The following SAFB2 variants were observed in gnomAD, a reference collection of about 807,000 sequenced individuals.
The protein encoded by SAFB2 is scaffold attachment factor B2.
SAFB2 carries 32 observed loss-of-function variants against 100.6 expected under a neutral mutation model. That is an observed-to-expected ratio of 0.32 (90% CI 0.24 to 0.43). The LOEUF is 0.43. SAFB2 is among the 20% of genes least tolerant of loss of function. The probability of loss-of-function intolerance (pLI) is 1.00; values close to 1 mark genes in which losing one functional copy is unlikely to be tolerated. For missense variants in SAFB2, 1,185 were observed against 1,163.4 expected (o/e 1.02, Z -0.27); for synonymous variants, 500 against 439.4 (o/e 1.14, Z -1.72).
At position 5,610,665 on chromosome 19, in the gene SAFB2, A is replaced by G. The variant is rs200845160; in HGVS notation, c.1169T>C (p.Ile390Thr). The change falls in exon 8 of 21, where the codon ATA (isoleucine) becomes ACA (threonine). Residue 390 changes from isoleucine to threonine, a missense_variant. Ile to Thr is a moderately conservative substitution (Grantham distance 89). This residue lies in a region of SAFB2 where 351 missense variants were observed against 341.2 expected (regional missense o/e 1.03). Transcript: ENST00000252542. ...TTTTTCATCTTTAATGATTGGCTTTATATCTTTTTCTTCCTTAAAAGAGCT... is the reference window on the plus strand; with the variant it reads ...TTTTTCATCTTTAATGATTGGCTTTGTATCTTTTTCTTCCTTAAAAGAGCT... ...KMSSFKEEKD[I>T]KPIIKDEKGR... 1.4e-4 allele frequency: 218 copies of G among 1,571,700 alleles called. No individual in the cohort carries two copies. Among genetic ancestry groups the G allele is most frequent in the Non-Finnish European group, 1.8e-4 (201 of 1,147,774 alleles).
chr19:5,621,544 AG>A, intron 1 of SAFB2, 148 bp from the exon 2 acceptor site: 1 of 663,224 alleles, frequency 1.5e-6, no homozygotes, highest in Non-Finnish European at 2.7e-6. Context: ...CAAGCCCAAA[AG>A]GCGGAGGAGG....
chr19:5,601,849 C>CA (rs2052665885), intron 11 of SAFB2, among the ~76,000 whole-genome samples: 1 of 152,156 alleles, frequency 6.6e-6, no homozygotes, highest in Non-Finnish European at 1.5e-5. Context: ...GCTTTCCTTC[C>CA]AGTAGATAAA....
chr19:5,619,561 C>T (rs1296459451), intron 2 of SAFB2, among the ~76,000 whole-genome samples: 2 of 152,176 alleles, frequency 1.3e-5, no homozygotes, highest in African/African-American at 2.4e-5. Context: ...CCTGCTAGGC[C>T]GGGCACAGTG....
rs1457951740 is a variant in SAFB2 at position 5,604,711 on chromosome 19, C to T, written c.1447-16G>A. ...CATTTTTGGCCTAAAATATAATAGA[C>T]AGAAATGATGTGTGGCCCAGAGCTT... On this transcript the variant is annotated splice_polypyrimidine_tract_variant and intron_variant, in intron 10 of 20. Transcript: ENST00000252542. 2 of 1,613,982 alleles carry T rather than the reference C, an allele frequency of 1.2e-6. No individual in the cohort carries two copies. Among genetic ancestry groups the T allele is most frequent in the African/African-American group, 1.3e-5 (1 of 74,916 alleles).
intron 6 of SAFB2, chr19:5,611,940 T>C: frequency 2.0e-6 from 1 of 491,114 alleles, no homozygotes. Flanking sequence ...TGACTGATTT[T>C]CCAATGTCCA....
chr19:5,589,694 A>C (rs2052346558), intron 18 of SAFB2, among the ~76,000 whole-genome samples: 1 of 152,042 alleles, frequency 6.6e-6, no homozygotes, highest in South Asian at 2.1e-4. Flanking sequence ...CCTGCCCCCC[A>C]CCAATGCTGA....
intron 9 of SAFB2, among the ~76,000 whole-genome samples, chr19:5,605,565 G>T (rs556696950): frequency 6.6e-6 from 1 of 152,288 alleles, no homozygotes; most frequent in African/African-American, 2.4e-5. Context: ...ACAAACAGCT[G>T]TGGGGCTACT....
Position 5,616,483 on chromosome 19 carries a change from A to G in SAFB2, c.278T>C (p.Leu93Pro), listed in dbSNP as rs2053034174. ...KKSAKRCVKG[L>P]KMEEEGTEDN... ...TTCTGTGCCTTCCTCCTCCATCTTC[A>G]GTCCTAATTACAGAATAATTGTTCA... The change falls in exon 3 of 21, where the codon CTG becomes CCG. Residue 93 changes from leucine (L) to proline (P), a missense_variant. Physicochemically the swap from Leu to Pro is moderately conservative, Grantham distance 98. This residue lies in a region of SAFB2 where 351 missense variants were observed against 341.2 expected (regional missense o/e 1.03). Coordinates refer to ENST00000252542, the MANE Select transcript of SAFB2 (RefSeq NM_014649.3). 6.2e-7 allele frequency: 1 copy of G among 1,613,242 alleles called. No individual in the cohort carries two copies. The highest frequency in any genetic ancestry group is 1.3e-5 in the African/African-American group (1 of 74,832).
Position 5,602,445 on chromosome 19 carries a change from A to C in SAFB2, c.1559+2138T>G, listed in dbSNP as rs1228887408. ...CAGTGAGCCAAGATTGCGCCACTGC[A>C]CTCCAGCCTGGGTGACAGAGCGAGA... On this transcript the variant is annotated intron_variant, in intron 11 of 20. Transcript: ENST00000252542. Among the ~76,000 whole-genome samples the C allele has an allele frequency of 3.1e-5, 4 of 130,756 alleles. No homozygotes were observed. In the East Asian group the frequency reaches 9.8e-4, roughly 32 times the overall value. 85.8% of individuals were successfully genotyped at this position (130,756 alleles called of 152,430 possible).
chr19:5,598,424 T>TA (rs2052578177), intron 13 of SAFB2: 3 of 261,580 alleles, frequency 1.1e-5, no homozygotes, highest in East Asian at 8.3e-5. Flanking sequence ...AATAGGAGAC[T>TA]AAAAAACCAA....
rs1568237522 is a variant in SAFB2 at position 5,622,746 on chromosome 19, G to T, written c.-31C>A. 6 of 1,576,328 alleles carry T rather than the reference G, an allele frequency of 3.8e-6. No homozygotes were observed. The highest frequency in any genetic ancestry group is 5.1e-6 in the Non-Finnish European group (6 of 1,166,212). On this transcript the variant is annotated 5_prime_UTR_variant, in exon 1 of 21. It adds an upstream start codon to the 5' untranslated region. Coordinates refer to ENST00000252542, the MANE Select transcript of SAFB2 (RefSeq NM_014649.3). ...CGTTCCCGTCTTCGCCACCGACTCA[G>T]TCGCACACCGCCGGCAGCTATAGCG...
At chr19:5,618,311 G>A (rs942876050) in intron 2 of SAFB2, among the ~76,000 whole-genome samples, 20 of 152,060 alleles carry the variant, frequency 1.3e-4, no homozygotes, top group African/African-American at 4.1e-4. Context: ...GCAGTGAGCC[G>A]AGATTGCACC....
intron 4 of SAFB2, among the ~76,000 whole-genome samples, chr19:5,614,687 G>A (rs555258429): frequency 6.6e-6 from 1 of 152,324 alleles, no homozygotes; most frequent in East Asian, 1.9e-4. Context: ...ATCAGTCAGA[G>A]TACAATGAAG....
At chr19:5,600,876 A>C (rs2052641446) in intron 11 of SAFB2, among the ~76,000 whole-genome samples, 2 of 152,248 alleles carry the variant, frequency 1.3e-5, no homozygotes, top group South Asian at 4.1e-4. Flanking sequence ...GCAGTGAAAT[A>C]AATCATCTTC....
intron 1 of SAFB2, among the ~76,000 whole-genome samples, chr19:5,622,329 G>A (rs893295660): frequency 3.9e-5 from 6 of 152,140 alleles, no homozygotes; most frequent in Non-Finnish European, 7.4e-5. Context: ...GTGGAAAGAG[G>A]ATAGGAAGGG....
Position 5,622,679 on chromosome 19 carries a change from G to A in SAFB2, c.37C>T (p.Pro13Ser). ...ETLPGSGDSG[P>S]GTASLGPGVA... ...CCCGGGCCGAGAGAAGCCGTGCCAG[G>A]GCCCGAGTCGCCCGACCCGGGCAGA... Residue 13 changes from proline to serine, a missense_variant, in exon 1 of 21, where the codon CCT (proline) becomes TCT (serine). This residue lies in a region of SAFB2 where 351 missense variants were observed against 341.2 expected (regional missense o/e 1.03). Transcript: ENST00000252542. 8 of 1,606,552 alleles carry A rather than the reference G, an allele frequency of 5.0e-6. No individual in the cohort carries two copies. The South Asian group carries it at 6.6e-5, about 13-fold the overall frequency.
In SAFB2 at chr19:5,622,572, G is replaced by C. The variant is rs539302768; in HGVS notation, c.144C>G (p.Asp48Glu). The change falls in exon 1 of 21, where the codon GAC becomes GAG. Residue 48 changes from aspartate (D) to glutamate (E), a missense_variant. Physicochemically the swap from Asp to Glu is conservative, Grantham distance 45. Transcript: ENST00000252542. The part of the protein sequence containing the change: ...LRAELKKRNL[D>E]TGGNKSVLME... ...TCAGGACGCTCTTGTTGCCGCCCGT[G>C]TCCAGGTTCCGCTTCTTCAGCTCCG... The C allele has an allele frequency of 6.2e-7, 1 of 1,613,470 alleles. No homozygotes were observed. The highest frequency in any genetic ancestry group is 2.2e-5 in the East Asian group (1 of 44,816).
chr19:5,591,809 A>G lies in SAFB2; in HGVS notation c.2349-16T>C. Reference sequence around the variant, plus strand: ...ACCCTCCCGCCTGCAAAAGGAAAAGATCCCGTTCAAACAGCACCAGGCACG... The same window carrying G: ...ACCCTCCCGCCTGCAAAAGGAAAAGGTCCCGTTCAAACAGCACCAGGCACG... On this transcript the variant is annotated splice_polypyrimidine_tract_variant and intron_variant, in intron 16 of 20. Coordinates refer to ENST00000252542, the MANE Select transcript of SAFB2 (RefSeq NM_014649.3). 6.2e-7 allele frequency: 1 copy of G among 1,613,838 alleles called. No individual in the cohort carries two copies. The highest frequency in any genetic ancestry group is 1.6e-4 in the Middle Eastern group (1 of 6,062).
chr19:5,597,780 A>G (rs1237995637), intron 13 of SAFB2, among the ~76,000 whole-genome samples: 1 of 152,200 alleles, frequency 6.6e-6, no homozygotes, highest in African/African-American at 2.4e-5. Context: ...TATGATTTTC[A>G]TGTGAAAAAT....
Sources: gnomAD v4.1 joint callset for allele counts (sites outside exome capture counted in the v4.1 genomes callset) on GRCh38, gnomAD v4.1.1 for gene constraint, gnomAD v4.1.1 regional missense constraint, MANE v1.5 for transcripts, NCBI Gene and HGNC (gene_info 2026-07-23, HGNC 2026-07-21) for gene names.